MTX2: variants seen among roughly 807,000 people sequenced by gnomAD.
MTX2 encodes metaxin-2.
Under a neutral mutation model 42.3 loss-of-function variants are expected in MTX2, and 35 were observed. The observed-to-expected ratio is 0.83, with a 90% CI of 0.63 to 1.10. The LOEUF (loss-of-function observed/expected upper bound fraction) is 1.10, where lower values mean the gene tolerates loss of function less well. Among genes scored for constraint, MTX2 ranks in the 50% least tolerant of loss-of-function variants. MTX2 has a pLI of 0.00. For synonymous variants in MTX2, 119 were observed against 100.9 expected (o/e 1.18, Z -1.08); for missense variants, 307 against 304.1 (o/e 1.01, Z -0.07).
At chr2:176,279,790 G>A (rs942715054) in intron 1 of MTX2, among the ~76,000 whole-genome samples, 2 of 151,934 alleles carry the variant, frequency 1.3e-5, no homozygotes, top group Non-Finnish European at 2.9e-5. Context: ...TGCCATCTAC[G>A]TGCACTGATT....
At position 176,320,181 on chromosome 2, in the gene MTX2, A is replaced by G. The variant is rs150042106; in HGVS notation, c.136-3211A>G. ...TAAGAAGCATGGGTTTTGGGAGTTG[A>G]AGGTTGCATTGAGCTGAGATTGTGC... On this transcript the variant is annotated intron_variant, in intron 3 of 9. Coordinates refer to ENST00000249442, the MANE Select transcript of MTX2 (RefSeq NM_006554.5). 3.1e-3 allele frequency among the ~76,000 whole-genome samples: 474 copies of G among 152,122 alleles called. 2 individuals carry two copies. The highest frequency in any genetic ancestry group is 0.011 in the African/African-American group (445 of 41,516).
intron 3 of MTX2, among the ~76,000 whole-genome samples, chr2:176,298,622 G>C (rs1159075521): frequency 6.6e-6 from 1 of 152,138 alleles, no homozygotes; most frequent in Non-Finnish European, 1.5e-5. Flanking sequence ...TACTTAGCTT[G>C]TGTAGTTTAA....
At chr2:176,294,278 CTTTTTTTTTTTT>C (rs750682515) in intron 1 of MTX2, among the ~76,000 whole-genome samples, 1 of 125,320 alleles carries the variant, frequency 8.0e-6, no homozygotes, top group African/African-American at 3.0e-5. Flanking sequence ...GATGAATTAA[CTTTTTTTTTTTT>C]TTTTTTTTTC....
Position 176,313,437 on chromosome 2 carries a change from G to T in MTX2, c.136-9955G>T, listed in dbSNP as rs139506725. 7.3e-4 allele frequency among the ~76,000 whole-genome samples: 94 copies of T among 128,778 alleles called. 1 individual carries two copies. The highest frequency in any genetic ancestry group is 2.3e-3 in the African/African-American group (74 of 32,762). 84.5% of individuals were successfully genotyped at this position (128,778 alleles called of 152,430 possible). A position where few individuals can be genotyped will look rare whatever the true frequency, so the allele number is the denominator to read the frequency against. Reference sequence around the variant, plus strand: ...AGATAGGGTCTCACTCTGTCTCCCAGACTGGAGTGCAGTGGTGTGATCTTG... The same window carrying T: ...AGATAGGGTCTCACTCTGTCTCCCATACTGGAGTGCAGTGGTGTGATCTTG... On this transcript the variant is annotated intron_variant, in intron 3 of 9. Coordinates refer to ENST00000249442, the MANE Select transcript of MTX2 (RefSeq NM_006554.5).
At chr2:176,326,360 T>C (rs1056407315) in intron 4 of MTX2, among the ~76,000 whole-genome samples, 4 of 151,688 alleles carry the variant, frequency 2.6e-5, no homozygotes, top group African/African-American at 9.7e-5. Context: ...TTGATCTCAA[T>C]GGGTATCAAA....
rs1692746532 is a variant in MTX2, at chr2:176,269,654, G to C, written c.25G>C (p.Val9Leu). 1 of 1,597,954 alleles carries C rather than the reference G, an allele frequency of 6.3e-7. No homozygotes were observed. Among genetic ancestry groups the C allele is most frequent in the Admixed American group, 1.7e-5 (1 of 58,940 alleles). ...CATGTCTCTAGTGGCGGAAGCCTTC[G>C]TCTCCCAGATTGCAGGTAGCGCGGC... MSLVAEAF[V>L]SQIAAAEPWP... Residue 9 changes from valine to leucine, a missense_variant, in exon 1 of 10, where the codon GTC becomes CTC. Val to Leu is a conservative substitution (Grantham distance 32). Transcript: ENST00000249442.
intron 1 of MTX2, among the ~76,000 whole-genome samples, chr2:176,285,211 T>A (rs554646015): frequency 1.3e-5 from 2 of 152,264 alleles, no homozygotes; most frequent in East Asian, 3.9e-4. Flanking sequence ...GTTTTCTTAT[T>A]GTAAAATTGG....
intron 1 of MTX2, chr2:176,270,381 C>T (rs1280919032): frequency 7.3e-7 from 1 of 1,363,726 alleles, no homozygotes; most frequent in South Asian, 1.1e-5. Context: ...TAAAGAAATA[C>T]TTTTGAGTCG....
Position 176,328,344 on chromosome 2 carries a change from G to A in MTX2, c.337G>A (p.Ala113Thr), listed in dbSNP as rs1323544154. The change falls in exon 6 of 10, where the codon GCT (alanine) becomes ACT (threonine). Residue 113 changes from alanine (A) to threonine (T), a missense_variant. By Grantham distance (58) the Ala-to-Thr change is moderately conservative. Transcript: ENST00000249442. ...GGAAGTCCAAAAAGCAGAAATGAAA[G>A]CTTACATGGAATTAGTCAACAATAT... ...LEEVQKAEMK[A>T]YMELVNNMLL... 3.8e-6 allele frequency: 6 copies of A among 1,589,758 alleles called. No homozygotes were observed. Among genetic ancestry groups the A allele is most frequent in the Non-Finnish European group, 5.1e-6 (6 of 1,168,304 alleles).
At position 176,326,901 on chromosome 2, in the gene MTX2, G is replaced by C; in HGVS notation, c.285G>C (p.Lys95Asn). Residue 95 changes from lysine to asparagine, a missense_variant and splice_region_variant, in exon 5 of 10, where the codon AAG becomes AAC. Transcript: ENST00000249442. Reference sequence around the variant, plus strand: ...CAATAGTCCAATTTGTTAAAGCCAAGGTAATAAAAAGATATTAAATGTATT... The same window carrying C: ...CAATAGTCCAATTTGTTAAAGCCAACGTAATAAAAAGATATTAAATGTATT... The part of the protein sequence containing the change: ...LGPIVQFVKA[K>N]GHSLSDGLEE... 4 of 1,502,740 alleles carry C rather than the reference G, an allele frequency of 2.7e-6. No individual in the cohort carries two copies. The highest frequency in any genetic ancestry group is 3.6e-6 in the Non-Finnish European group (4 of 1,099,078). 93.1% of individuals were successfully genotyped at this position (1,502,740 alleles called of 1,614,324 possible).
chr2:176,308,403 G>A (rs542303486), intron 3 of MTX2, among the ~76,000 whole-genome samples: 1 of 152,180 alleles, frequency 6.6e-6, no homozygotes, highest in East Asian at 1.9e-4. Context: ...GTATCAGGAT[G>A]ATGTTGGCCT....
chr2:176,315,769 A>G (rs181449021), intron 3 of MTX2, among the ~76,000 whole-genome samples: 191 of 152,272 alleles, frequency 1.3e-3, no homozygotes, highest in Non-Finnish European at 2.4e-3. Context: ...TTGCTGAAAC[A>G]TAGTTGAAGC....
intron 1 of MTX2, among the ~76,000 whole-genome samples, chr2:176,270,595 A>T (rs1692784506): frequency 6.6e-6 from 1 of 152,244 alleles, no homozygotes; most frequent in Non-Finnish European, 1.5e-5. Flanking sequence ...CACCACAATA[A>T]ATAGGTACAT....
intron 3 of MTX2, 104 bp from the exon 4 acceptor site, chr2:176,323,288 T>C (rs1684627863): frequency 3.2e-6 from 3 of 932,796 alleles, no homozygotes; most frequent in South Asian, 3.1e-5. Flanking sequence ...TATTAGAGTT[T>C]TGTAGTATGA....
At chr2:176,310,043 T>C (rs1684262998) in intron 3 of MTX2, among the ~76,000 whole-genome samples, 1 of 152,196 alleles carries the variant, frequency 6.6e-6, no homozygotes, top group Non-Finnish European at 1.5e-5. Context: ...TGGCTGGTAC[T>C]GGTTGTTTTC....
chr2:176,292,342 T>C (rs1575039633), intron 1 of MTX2, among the ~76,000 whole-genome samples: 1 of 152,306 alleles, frequency 6.6e-6, no homozygotes, highest in South Asian at 2.1e-4. Context: ...AATATAAAAA[T>C]GTTTTATTGT....
intron 3 of MTX2, among the ~76,000 whole-genome samples, chr2:176,311,870 G>C (rs1040391754): frequency 1.3e-5 from 2 of 152,180 alleles, no homozygotes; most frequent in Non-Finnish European, 2.9e-5. Context: ...GTGAGGCAGT[G>C]CCCCACCCTG....
At chr2:176,275,441 G>A (rs1692925216) in intron 1 of MTX2, among the ~76,000 whole-genome samples, 2 of 152,002 alleles carry the variant, frequency 1.3e-5, no homozygotes, top group Non-Finnish European at 2.9e-5. Context: ...ATTTCACCAT[G>A]TTGGCCAGGC....
intron 3 of MTX2, among the ~76,000 whole-genome samples, chr2:176,305,282 ATTATTT>A (rs953789247): frequency 6.6e-6 from 1 of 151,942 alleles, no homozygotes; most frequent in Non-Finnish European, 1.5e-5. Context: ...TTTTTTTGTT[ATTATTT>A]TTATCAGTTG....
Sources: gnomAD v4.1 joint callset for allele counts (sites outside exome capture counted in the v4.1 genomes callset) on GRCh38, gnomAD v4.1.1 for gene constraint, MANE v1.5 for transcripts, NCBI Gene and HGNC (gene_info 2026-07-23, HGNC 2026-07-21) for gene names.